Variants in USH2A observed in about 807,000 individuals in gnomAD.
USH2A encodes Usher syndrome 2A (autosomal recessive, mild).
Under a neutral mutation model 538.9 loss-of-function variants are expected in USH2A, and 443 were observed. That is an observed-to-expected ratio of 0.82 (90% CI 0.76 to 0.89). The LOEUF (loss-of-function observed/expected upper bound fraction) is 0.89. Among genes scored for constraint, USH2A ranks in the 40% least tolerant of loss-of-function variants. USH2A has a pLI of 0.00. For synonymous variants in USH2A, 2,413 were observed against 2,273.5 expected (o/e 1.06, Z -1.75); for missense variants, 6,633 against 6,324.8 (o/e 1.05, Z -1.65).
intron 52 of USH2A, among the ~76,000 whole-genome samples, chr1:215,784,618 T>A (rs1301946652): frequency 2.0e-5 from 3 of 152,218 alleles, no homozygotes; most frequent in African/African-American, 7.2e-5. Flanking sequence ...TAAATTTTTG[T>A]CAGCACTGGT....
At chr1:215,676,257 T>C (rs1658021740) in intron 62 of USH2A, among the ~76,000 whole-genome samples, 1 of 152,200 alleles carries the variant, frequency 6.6e-6, no homozygotes, top group African/African-American at 2.4e-5. Context: ...TTCCAGGCCA[T>C]GGAAGAACTG....
intron 37 of USH2A, among the ~76,000 whole-genome samples, chr1:215,951,016 T>C (rs1051361949): frequency 2.6e-5 from 4 of 152,164 alleles, no homozygotes; most frequent in Non-Finnish European, 5.9e-5. Context: ...CCTGGATTCA[T>C]TGATTTTTTT....
intron 71 of USH2A, 138 bp downstream of exon 71, chr1:215,628,676 A>G: frequency 1.2e-6 from 1 of 857,382 alleles, no homozygotes; most frequent in Non-Finnish European, 2.0e-6. Context: ...ACATTAGTAA[A>G]CCGGTTGTTA....
chr1:215,689,567 T>C (rs575530351), intron 61 of USH2A, among the ~76,000 whole-genome samples: 1 of 152,312 alleles, frequency 6.6e-6, no homozygotes, highest in South Asian at 2.1e-4. Flanking sequence ...AGGATGTCAC[T>C]GCCATAAATA....
intron 38 of USH2A, among the ~76,000 whole-genome samples, chr1:215,923,189 T>C (rs1666145575): frequency 6.6e-6 from 1 of 152,034 alleles, no homozygotes; most frequent in African/African-American, 2.4e-5. Flanking sequence ...TGTTTTCAAG[T>C]GGCAGAAAAC....
At chr1:215,681,877 G>T (rs1220561061) in intron 61 of USH2A, among the ~76,000 whole-genome samples, 3 of 152,070 alleles carry the variant, frequency 2.0e-5, no homozygotes, top group African/African-American at 7.2e-5. Flanking sequence ...CTAACCTCTT[G>T]AAATCTTTTA....
At chr1:216,193,021 C>T (rs1276183432) in intron 19 of USH2A, among the ~76,000 whole-genome samples, 1 of 152,038 alleles carries the variant, frequency 6.6e-6, no homozygotes, top group African/African-American at 2.4e-5. Context: ...GGAATATGAA[C>T]AAACAGGTTG....
chr1:216,190,857 GA>G (rs1428045389), intron 19 of USH2A, among the ~76,000 whole-genome samples: 2 of 151,866 alleles, frequency 1.3e-5, no homozygotes, highest in African/African-American at 4.8e-5. Context: ...AGAAAAAGGG[GA>G]AAAAATTAAA....
At chr1:216,304,132 T>C (rs1368197859) in intron 9 of USH2A, among the ~76,000 whole-genome samples, 1 of 151,996 alleles carries the variant, frequency 6.6e-6, no homozygotes, top group Non-Finnish European at 1.5e-5. Flanking sequence ...TATGTACCAC[T>C]CAACTTAGAA....
At chr1:215,707,909 T>C (rs1659226400) in intron 61 of USH2A, among the ~76,000 whole-genome samples, 1 of 152,186 alleles carries the variant, frequency 6.6e-6, no homozygotes, top group African/African-American at 2.4e-5. Flanking sequence ...AGGCTTTAAA[T>C]ATCAATATAT....
intron 40 of USH2A, among the ~76,000 whole-genome samples, chr1:215,897,721 G>A (rs891307147): frequency 1.8e-4 from 27 of 149,082 alleles, no homozygotes; most frequent in African/African-American, 6.7e-4. Context: ...AAGAAAGAAA[G>A]AGAAAGAAAG....
At chr1:215,763,608 G>A (rs1423382699) in intron 56 of USH2A, among the ~76,000 whole-genome samples, 1 of 152,046 alleles carries the variant, frequency 6.6e-6, no homozygotes, top group South Asian at 2.1e-4. Flanking sequence ...AAACTTGAGG[G>A]GTCCATGTTG....
intron 38 of USH2A, among the ~76,000 whole-genome samples, chr1:215,908,952 G>A (rs1288154283): frequency 6.7e-6 from 1 of 149,686 alleles, no homozygotes; most frequent in African/African-American, 2.4e-5. Flanking sequence ...ATCAAAATGA[G>A]TATTTTATAT....
intron 50 of USH2A, among the ~76,000 whole-genome samples, chr1:215,791,993 T>C (rs1287366871): frequency 6.6e-6 from 1 of 152,186 alleles, no homozygotes; most frequent in East Asian, 1.9e-4. Context: ...AATACAACCA[T>C]GGATTTTTTT....
chr1:215,679,619 G>C (rs181619489), intron 62 of USH2A, among the ~76,000 whole-genome samples: 1 of 152,298 alleles, frequency 6.6e-6, no homozygotes, highest in Non-Finnish European at 1.5e-5. Context: ...CTTGAGATAC[G>C]TATACAACAT....
rs191123443 is a variant in USH2A at position 215,665,845 on chromosome 1, G to A, written c.14133+5127C>T. ...GACTGTGATCTCTGTTTAAGGAAGA[G>A]GTCTGTGCAATGGAAGAATTTTATT... On this transcript the variant is annotated intron_variant, in intron 64 of 71. Transcript: ENST00000307340. Among the ~76,000 whole-genome samples, 627 of 152,294 alleles carry A rather than the reference G, an allele frequency of 4.1e-3. 7 individuals are homozygous for A. Among genetic ancestry groups the A allele is most frequent in the Non-Finnish European group, 6.6e-3 (450 of 68,032 alleles).
intron 67 of USH2A, among the ~76,000 whole-genome samples, chr1:215,642,805 T>C (rs1200330798): frequency 2.0e-5 from 3 of 152,042 alleles, no homozygotes; most frequent in Non-Finnish European, 4.4e-5. Flanking sequence ...TGGAAACTGA[T>C]AAGCACTTCA....
At chr1:215,653,668 C>G (rs1657150115) in intron 64 of USH2A, among the ~76,000 whole-genome samples, 1 of 152,202 alleles carries the variant, frequency 6.6e-6, no homozygotes, top group Non-Finnish European at 1.5e-5. Flanking sequence ...CCTTCTGTCT[C>G]TCTGTCTTTG....
At chr1:216,229,890 G>A (rs1042196426) in intron 14 of USH2A, among the ~76,000 whole-genome samples, 1 of 152,124 alleles carries the variant, frequency 6.6e-6, no homozygotes, top group African/African-American at 2.4e-5. Context: ...AAAAGGCTCA[G>A]CCACGAATTT....
Sources: allele counts gnomAD v4.1 joint callset (sites outside exome capture counted in the v4.1 genomes callset), GRCh38; gene constraint gnomAD v4.1.1; transcripts MANE v1.5; gene names NCBI Gene and HGNC (gene_info 2026-07-23, HGNC 2026-07-21).